NXN: variants seen among roughly 807,000 people sequenced by gnomAD.
The protein encoded by NXN is nucleoredoxin 1.
Under a neutral mutation model 48.6 loss-of-function variants are expected in NXN, and 16 were observed. The ratio of observed to expected loss-of-function variants is 0.33; its 90% CI spans 0.22 to 0.50. The LOEUF is 0.50. Ranked by LOEUF, NXN falls within the 20% of genes least tolerant of loss-of-function variation. The pLI, the probability that NXN is intolerant of heterozygous loss-of-function variation, is 0.98. For missense variants in NXN, 492 were observed against 605.5 expected (o/e 0.81, Z 1.97); for synonymous variants, 281 against 269.6 (o/e 1.04, Z -0.41).
chr17:939,311 AC>A (rs1341688451), intron 1 of NXN, among the ~76,000 whole-genome samples: 6 of 152,036 alleles, frequency 3.9e-5, no homozygotes, highest in African/African-American at 1.4e-4. Context: ...ACAGATAGAT[AC>A]AGCAAAATAC....
intron 5 of NXN, among the ~76,000 whole-genome samples, chr17:817,004 T>C (rs1013833362): frequency 5.9e-5 from 9 of 152,168 alleles, no homozygotes; most frequent in African/African-American, 2.2e-4. Context: ...TCTGGTCCAC[T>C]AGGCAACATC....
intron 1 of NXN, among the ~76,000 whole-genome samples, chr17:874,530 G>A (rs2068193867): frequency 6.6e-6 from 1 of 152,208 alleles, no homozygotes; most frequent in Non-Finnish European, 1.5e-5. Context: ...GCTGCGGTGA[G>A]CCGAGATCAT....
At chr17:972,349 C>T (rs1253096205) in intron 1 of NXN, among the ~76,000 whole-genome samples, 6 of 152,018 alleles carry the variant, frequency 3.9e-5, no homozygotes, top group African/African-American at 7.2e-5. Flanking sequence ...TGGTGGCTGG[C>T]GCCTGTAATC....
intron 1 of NXN, among the ~76,000 whole-genome samples, chr17:852,394 G>A (rs995068345): frequency 6.6e-6 from 1 of 152,202 alleles, no homozygotes; most frequent in African/African-American, 2.4e-5. Flanking sequence ...CGTGCCCACA[G>A]CTGGCATCTT....
Position 915,348 on chromosome 17 carries a change from A to G in NXN, c.360+63971T>C, listed in dbSNP as rs74586670. Among the ~76,000 whole-genome samples, 2,319 of 152,178 alleles carry G rather than the reference A, an allele frequency of 0.015. 88 individuals are homozygous for G. In the East Asian group the frequency reaches 0.16, roughly 10 times the overall value. ...TCACTCTGTCGCCCAGGCTGGAGTC[A>G]TCTCGGCTCACTGCAACCTCCACCT... is the stretch of plus-strand genomic sequence containing the variant. On this transcript the variant is annotated intron_variant, in intron 1 of 7. Transcript: ENST00000336868.
intron 1 of NXN, among the ~76,000 whole-genome samples, chr17:909,376 G>A (rs961582491): frequency 1.3e-5 from 2 of 152,040 alleles, no homozygotes; most frequent in South Asian, 2.1e-4. Context: ...GAGGAATAGC[G>A]TTCCCTTAGA....
At chr17:938,360 G>C (rs1483852481) in intron 1 of NXN, among the ~76,000 whole-genome samples, 1 of 152,228 alleles carries the variant, frequency 6.6e-6, no homozygotes, top group African/African-American at 2.4e-5. Context: ...ACAGCTCACA[G>C]CTAGTGCGAA....
intron 1 of NXN, among the ~76,000 whole-genome samples, chr17:882,757 A>G (rs557422282): frequency 7.9e-4 from 111 of 140,466 alleles, no homozygotes; most frequent in African/African-American, 1.4e-3. Flanking sequence ...TAGCCACCGC[A>G]CCCGGCCTCT....
chr17:865,576 C>T (rs964719553), intron 1 of NXN, among the ~76,000 whole-genome samples: 2 of 152,098 alleles, frequency 1.3e-5, no homozygotes, highest in African/African-American at 4.8e-5. Context: ...ATGACAGTCT[C>T]TCCCCTCCAA....
At chr17:904,290 C>T (rs1214512975) in intron 1 of NXN, among the ~76,000 whole-genome samples, 2 of 148,396 alleles carry the variant, frequency 1.3e-5, no homozygotes, top group East Asian at 2.0e-4. Context: ...GCTGCCCGGA[C>T]GTCGGACGCC....
intron 5 of NXN, among the ~76,000 whole-genome samples, chr17:808,885 C>T (rs1273556191): frequency 3.3e-5 from 5 of 151,946 alleles, no homozygotes; most frequent in South Asian, 4.1e-4. Flanking sequence ...CCATGTTGGC[C>T]AAGCTGGTCT....
chr17:856,054 G>A (rs1404443685), intron 1 of NXN, among the ~76,000 whole-genome samples: 3 of 152,068 alleles, frequency 2.0e-5, no homozygotes, highest in Non-Finnish European at 4.4e-5. Flanking sequence ...TTAGCTGGGC[G>A]TGGTGGCACA....
intron 1 of NXN, among the ~76,000 whole-genome samples, chr17:903,701 C>T (rs1287401147): frequency 1.3e-5 from 2 of 152,202 alleles, no homozygotes; most frequent in Non-Finnish European, 2.9e-5. Context: ...AAGTTCTATA[C>T]ATATGGGCTC....
chr17:810,965 T>C (rs1911962191), intron 5 of NXN, among the ~76,000 whole-genome samples: 1 of 152,142 alleles, frequency 6.6e-6, no homozygotes, highest in Admixed American at 6.5e-5. Flanking sequence ...GCCCCTCTTC[T>C]GGTTGAAACA....
intron 1 of NXN, among the ~76,000 whole-genome samples, chr17:901,777 G>A (rs1244536688): frequency 6.6e-6 from 1 of 152,124 alleles, no homozygotes; most frequent in Non-Finnish European, 1.5e-5. Context: ...TCAGCTCACT[G>A]CAACCTCTGC....
intron 7 of NXN, among the ~76,000 whole-genome samples, chr17:801,723 C>T (rs776973224): frequency 2.0e-5 from 3 of 152,182 alleles, no homozygotes; most frequent in South Asian, 2.1e-4. Flanking sequence ...GGATTACAGG[C>T]GTCAGCCACC....
chr17:881,566 A>C (rs2068284596), intron 1 of NXN, among the ~76,000 whole-genome samples: 1 of 150,528 alleles, frequency 6.6e-6, no homozygotes, highest in Non-Finnish European at 1.5e-5. Context: ...CCATCTTATG[A>C]AGGTAAATGT....
chr17:850,587 G>A (rs1322487983), intron 1 of NXN, among the ~76,000 whole-genome samples: 1 of 152,144 alleles, frequency 6.6e-6, no homozygotes, highest in Non-Finnish European at 1.5e-5. Context: ...ACTGTCTCCA[G>A]TGGGGCTGGG....
In NXN at chr17:956,409, T is replaced by C. The variant is rs1597274933; in HGVS notation, c.360+22910A>G. On this transcript the variant is annotated intron_variant, in intron 1 of 7. Coordinates refer to ENST00000336868, the MANE Select transcript of NXN (RefSeq NM_022463.5). This position sits in a 1 kb window ranked among gnomAD's most constrained non-coding sequence, Gnocchi z 4.1. ...GTGCCCAGCACTATGTTCAGGGCTT[T>C]TTATTTTTATTTATTTATTTTGAGA... is the stretch of plus-strand genomic sequence containing the variant. 6.6e-6 allele frequency among the ~76,000 whole-genome samples: 1 copy of C among 152,076 alleles called. No homozygotes were observed. The highest frequency in any genetic ancestry group is 6.6e-5 in the Admixed American group (1 of 15,256).
Sources: gnomAD v4.1 joint callset for allele counts (sites outside exome capture counted in the v4.1 genomes callset) on GRCh38, gnomAD v4.1.1 for gene constraint, Gnocchi (gnomAD v3.1) non-coding constraint, MANE v1.5 for transcripts, NCBI Gene and HGNC (gene_info 2026-07-23, HGNC 2026-07-21) for gene names.